COL22A1: variants seen among roughly 807,000 people sequenced by gnomAD.
COL22A1 encodes collagen alpha-1(XXII) chain.
A neutral mutation model predicts 248.9 loss-of-function variants in COL22A1; 221 were observed. The observed-to-expected ratio is 0.89, with a 90% confidence interval of 0.80 to 0.99. The LOEUF (loss-of-function observed/expected upper bound fraction) is 0.99, where lower values mean the gene tolerates loss of function less well. COL22A1 is among the 50% of genes least tolerant of loss of function. COL22A1 has a pLI of 0.00. For synonymous variants in COL22A1, 891 were observed against 793.4 expected (o/e 1.12, Z -2.07); for missense variants, 2,240 against 2,179.0 (o/e 1.03, Z -0.56).
intron 9 of COL22A1, among the ~76,000 whole-genome samples, chr8:138,810,933 G>A (rs1005151931): frequency 3.3e-5 from 5 of 152,184 alleles, no homozygotes; most frequent in Non-Finnish European, 5.9e-5. Context: ...GAGCTGAGAG[G>A]AACAGATAGA....
intron 4 of COL22A1, among the ~76,000 whole-genome samples, chr8:138,838,283 C>G (rs908112378): frequency 1.3e-5 from 2 of 152,160 alleles, no homozygotes; most frequent in South Asian, 4.2e-4. Context: ...AGTGAGGGCT[C>G]TTACTCAGAG....
intron 39 of COL22A1, 145 bp from the exon 40 acceptor site, chr8:138,679,821 T>A: frequency 1.4e-6 from 1 of 721,156 alleles, no homozygotes; most frequent in East Asian, 2.6e-5. Context: ...AGGTGGCAGC[T>A]AATAACCATT....
In COL22A1 at chr8:138,813,570, C is replaced by T. The variant is rs1277670586; in HGVS notation, c.1246-551G>A. 3.3e-5 allele frequency among the ~76,000 whole-genome samples: 5 copies of T among 152,288 alleles called. 1 individual carries two copies. The highest frequency in any genetic ancestry group is 3.3e-4 in the Admixed American group (5 of 15,294). The stretch of plus-strand genomic sequence containing the variant: ...TCGTTATTAGCAGTGTGAGAACAGA[C>T]TAATACAACCCCTTCCTTCCATAAG... On this transcript the variant is annotated intron_variant, in intron 7 of 64. Coordinates refer to ENST00000303045, the MANE Select transcript of COL22A1 (RefSeq NM_152888.3).
intron 50 of COL22A1, 124 bp downstream of exon 50, chr8:138,630,571 C>T (rs974866099): frequency 3.7e-6 from 3 of 820,956 alleles, no homozygotes; most frequent in Admixed American, 1.8e-5. Context: ...TTGTAGTGAA[C>T]AGAACCTCAA....
In COL22A1 at chr8:138,811,932, A is replaced by G; in HGVS notation, c.1327-11T>C. 6.5e-7 allele frequency: 1 copy of G among 1,537,304 alleles called. No individual in the cohort carries two copies. The highest frequency in any genetic ancestry group is 8.8e-7 in the Non-Finnish European group (1 of 1,141,134). ...CACGGTCACCTGGCACTGGAAGGAA[A>G]GCCCAGGAGGTCAGAACCTGGCTCT... On this transcript the variant is annotated splice_polypyrimidine_tract_variant and intron_variant, in intron 8 of 64. Coordinates refer to ENST00000303045, the MANE Select transcript of COL22A1 (RefSeq NM_152888.3).
At chr8:138,865,440 T>A (rs1266459970) in intron 3 of COL22A1, among the ~76,000 whole-genome samples, 1 of 149,696 alleles carries the variant, frequency 6.7e-6, no homozygotes, top group Non-Finnish European at 1.5e-5. Flanking sequence ...TGTGGTGTGT[T>A]TGTATGCCTG....
At chr8:138,727,298 ACC>A (rs1175126498) in intron 23 of COL22A1, among the ~76,000 whole-genome samples, 2 of 150,458 alleles carry the variant, frequency 1.3e-5, no homozygotes, top group African/African-American at 4.9e-5. Context: ...AGCCATCTCC[ACC>A]TTTCTGAGAT....
At chr8:138,719,244 C>A (rs1229093326) in intron 27 of COL22A1, among the ~76,000 whole-genome samples, 2 of 151,644 alleles carry the variant, frequency 1.3e-5, no homozygotes, top group Non-Finnish European at 2.9e-5. Context: ...CACCTCAGGA[C>A]AGGCATGAAA....
intron 30 of COL22A1, 111 bp downstream of exon 30, chr8:138,715,567 TTTAA>T: frequency 2.1e-5 from 9 of 429,362 alleles, no homozygotes; most frequent in Non-Finnish European, 2.2e-5. Flanking sequence ...AGACTCTCAT[TTTAA>T]AAAAAAAAAA....
intron 12 of COL22A1, among the ~76,000 whole-genome samples, chr8:138,795,188 G>A (rs943823668): frequency 1.3e-5 from 2 of 152,154 alleles, no homozygotes; most frequent in African/African-American, 2.4e-5. Context: ...CATGGAAAGC[G>A]GCAGGAGATT....
chr8:138,649,011 T>A (rs1822452556), intron 46 of COL22A1, among the ~76,000 whole-genome samples: 1 of 152,268 alleles, frequency 6.6e-6, no homozygotes, highest in Admixed American at 6.5e-5. Flanking sequence ...TGTAATTCAA[T>A]ATTAAAATGG....
rs5895542 is a variant in COL22A1 at position 138,623,262 on chromosome 8, A to ATG, written c.3771+468_3771+469dup. On this transcript the variant is annotated intron_variant, in intron 52 of 64. Coordinates refer to ENST00000303045, the MANE Select transcript of COL22A1 (RefSeq NM_152888.3). Reference sequence around the variant, plus strand: ...CATATATATATATATATATATATTTATGTGTGTGTGTGTGTGTGTGTGTGT... The same window carrying ATG: ...CATATATATATATATATATATATTTATGTGTGTGTGTGTGTGTGTGTGTGTGT... Among the ~76,000 whole-genome samples the ATG allele has an allele frequency of 4.9e-3, 704 of 143,548 alleles. 4 individuals carry two copies. The highest frequency in any genetic ancestry group is 0.016 in the African/African-American group (590 of 37,832). The allele number at this position is 143,548 out of a possible 152,430, so 94.2% of individuals were successfully genotyped here.
chr8:138,788,481 G>A (rs764637632), intron 12 of COL22A1, among the ~76,000 whole-genome samples: 1 of 152,174 alleles, frequency 6.6e-6, no homozygotes, highest in Non-Finnish European at 1.5e-5. Flanking sequence ...CAGATAGCAA[G>A]TTCTTGTAAA....
chr8:138,845,203 A>C (rs1264320179), intron 3 of COL22A1, among the ~76,000 whole-genome samples: 1 of 152,154 alleles, frequency 6.6e-6, no homozygotes, highest in Non-Finnish European at 1.5e-5. Context: ...TAAAGTCTTC[A>C]TGGATCCTCA....
chr8:138,859,202 G>C (rs1264940544), intron 3 of COL22A1, among the ~76,000 whole-genome samples: 1 of 152,220 alleles, frequency 6.6e-6, no homozygotes, highest in African/African-American at 2.4e-5. Context: ...TGGGCATGTG[G>C]TCTGTGTCCA....
At chr8:138,835,740 C>G (rs4735999) in intron 4 of COL22A1, among the ~76,000 whole-genome samples, 83,186 of 152,092 alleles carry the variant, frequency 0.55, 23,363 homozygotes, top group East Asian at 0.66. Flanking sequence ...ATACTCCTGA[C>G]TGAAGTCCTA....
chr8:138,754,821 T>C (rs1473583971), intron 21 of COL22A1, among the ~76,000 whole-genome samples: 6 of 152,236 alleles, frequency 3.9e-5, no homozygotes, highest in African/African-American at 1.4e-4. Context: ...CCAATGTTTT[T>C]ATTCTACTTT....
Position 138,741,944 on chromosome 8 carries a change from G to A in COL22A1, c.2086-4367C>T, listed in dbSNP as rs538744965. On this transcript the variant is annotated intron_variant, in intron 22 of 64. Coordinates refer to ENST00000303045, the MANE Select transcript of COL22A1 (RefSeq NM_152888.3). Reference sequence around the variant, plus strand: ...GGTGATGGTGATGATGGTGGTGATGGTGATGATAGTAGTGATGGTGATGGT... The same window carrying A: ...GGTGATGGTGATGATGGTGGTGATGATGATGATAGTAGTGATGGTGATGGT... 7.4e-5 allele frequency among the ~76,000 whole-genome samples: 11 copies of A among 149,094 alleles called. No homozygotes were observed. The South Asian group carries it at 2.3e-3, about 31-fold the overall frequency.
intron 53 of COL22A1, 51 bp downstream of exon 53, chr8:138,619,404 T>C (rs1398630980): frequency 1.3e-6 from 2 of 1,551,744 alleles, no homozygotes; most frequent in Non-Finnish European, 1.8e-6. Flanking sequence ...GTGAGAGCCA[T>C]GTAGCTGATG....
Sources: gnomAD v4.1 joint callset for allele counts (sites outside exome capture counted in the v4.1 genomes callset) on GRCh38, gnomAD v4.1.1 for gene constraint, MANE v1.5 for transcripts, NCBI Gene and HGNC (gene_info 2026-07-23, HGNC 2026-07-21) for gene names.